CACNA1A: variants seen among roughly 807,000 people sequenced by gnomAD.
CACNA1A encodes the protein calcium voltage-gated channel subunit alpha1 A.
Under a neutral mutation model 262.4 loss-of-function variants are expected in CACNA1A, and 57 were observed. That is an observed-to-expected ratio of 0.22 (90% confidence interval 0.18 to 0.27). The LOEUF (loss-of-function observed/expected upper bound fraction) is 0.27. CACNA1A is among the 10% of genes least tolerant of loss of function. The probability of loss-of-function intolerance (pLI) is 1.00; values close to 1 mark genes in which losing one functional copy is unlikely to be tolerated. For synonymous variants in CACNA1A, 1,431 were observed against 1,419.3 expected (o/e 1.01, Z -0.18); for missense variants, 2,526 against 3,562.8 (o/e 0.71, Z 7.41).
chr19:13,381,354 G>A (rs11667930), intron 3 of CACNA1A, among the ~76,000 whole-genome samples: 24,469 of 152,010 alleles, frequency 0.16, 2,642 homozygotes, highest in Non-Finnish European at 0.24. Flanking sequence ...AGCTGTGATC[G>A]TGCCACTGCA....
In CACNA1A at chr19:13,413,402, G is replaced by A. The variant is rs548071927; in HGVS notation, c.539+39474C>T. 1.3e-3 allele frequency among the ~76,000 whole-genome samples: 192 copies of A among 150,342 alleles called. 2 individuals carry two copies. The highest frequency in any genetic ancestry group is 4.0e-3 in the African/African-American group (165 of 41,084). Reference sequence around the variant, plus strand: ...ATTACAGGTGTGAGCCACCGTGCCCGGCCTACAAAAAGTTTTAAAAATTAG... The same window carrying A: ...ATTACAGGTGTGAGCCACCGTGCCCAGCCTACAAAAAGTTTTAAAAATTAG... On this transcript the variant is annotated intron_variant, in intron 3 of 46. Transcript: ENST00000360228.
intron 30 of CACNA1A, among the ~76,000 whole-genome samples, chr19:13,251,264 A>C: frequency 6.6e-6 from 1 of 151,854 alleles, no homozygotes; most frequent in African/African-American, 2.4e-5. Flanking sequence ...CGGGCGGATC[A>C]TGAGGTCAGG....
At chr19:13,254,519 C>T (rs1011184461) in intron 29 of CACNA1A, among the ~76,000 whole-genome samples, 2 of 152,044 alleles carry the variant, frequency 1.3e-5, no homozygotes, top group Non-Finnish European at 2.9e-5. Flanking sequence ...CGCACCACCA[C>T]GCCTGGCTAA....
chr19:13,425,367 C>T (rs1387885785), intron 3 of CACNA1A, among the ~76,000 whole-genome samples: 2 of 152,038 alleles, frequency 1.3e-5, no homozygotes, highest in African/African-American at 4.8e-5. Flanking sequence ...TTATGGCCTC[C>T]TAGGGAGCAG....
At chr19:13,346,651 T>A in intron 6 of CACNA1A, among the ~76,000 whole-genome samples, 1 of 6,034 alleles carries the variant, frequency 1.7e-4, no homozygotes, top group Admixed American at 2.8e-3. Flanking sequence ...TATATATATA[T>A]ATATATATAT....
intron 1 of CACNA1A, among the ~76,000 whole-genome samples, chr19:13,500,116 T>C (rs1982199573): frequency 6.6e-6 from 1 of 152,156 alleles, no homozygotes; most frequent in South Asian, 2.1e-4. Context: ...TCATGGACAG[T>C]CTCTCAACCC....
chr19:13,439,108 ATT>A (rs939229748), intron 3 of CACNA1A, among the ~76,000 whole-genome samples: 32 of 137,144 alleles, frequency 2.3e-4, no homozygotes, highest in Admixed American at 4.4e-4. Context: ...TTGTCCTCAA[ATT>A]TTTTTTTTTT....
Position 13,286,792 on chromosome 19 carries a change from G to A in CACNA1A, c.3264C>T (p.Ala1088=), listed in dbSNP as rs916089734. 1.2e-5 allele frequency: 19 copies of A among 1,612,754 alleles called. No individual in the cohort carries two copies. The highest frequency in any genetic ancestry group is 2.7e-5 in the African/African-American group (2 of 74,892). The change falls in exon 20 of 47, where the codon GCC becomes GCT. Residue 1088 remains alanine (A), a synonymous_variant. Coordinates refer to ENST00000360228, the MANE Select transcript of CACNA1A (RefSeq NM_001127222.2). ...TCTTGGCTGGGCTCTGGGGCAGGCC[G>A]GCGTGGCCAAGGCTGCCGTGGGGAG... The part of the protein sequence containing the change: ...SAAPHGSLGH[A]GLPQSPAKMG...
intron 1 of CACNA1A, among the ~76,000 whole-genome samples, chr19:13,497,519 AAAATATATATATATATATAT>A (rs1981775137): frequency 5.2e-5 from 1 of 19,304 alleles, no homozygotes. Flanking sequence ...AAAAAAAAAA[AAAATATATATATATATATAT>A]ATATATATAT....
At chr19:13,425,681 C>T (rs975498537) in intron 3 of CACNA1A, among the ~76,000 whole-genome samples, 4 of 152,122 alleles carry the variant, frequency 2.6e-5, no homozygotes, top group African/African-American at 9.7e-5. Context: ...TGGGAGTTTC[C>T]CAGACACCTG....
intron 19 of CACNA1A, among the ~76,000 whole-genome samples, chr19:13,293,632 AT>A (rs954537199): frequency 1.5e-4 from 21 of 138,348 alleles, no homozygotes; most frequent in Non-Finnish European, 2.7e-4. Flanking sequence ...TTTTTTTGGT[AT>A]TTTTAGTAGA....
chr19:13,425,899 T>C (rs2060394528), intron 3 of CACNA1A, among the ~76,000 whole-genome samples: 1 of 151,840 alleles, frequency 6.6e-6, no homozygotes, highest in Non-Finnish European at 1.5e-5. Context: ...CTACTAAAAA[T>C]ACAAAAAAAT....
chr19:13,230,102 G>A lies in CACNA1A; in HGVS notation c.5508C>T (p.Ala1836=), dbSNP rs750338421. 74 of 1,613,506 alleles carry A rather than the reference G, an allele frequency of 4.6e-5. No individual in the cohort carries two copies. The highest frequency in any genetic ancestry group is 5.9e-5 in the Non-Finnish European group (70 of 1,179,730). The part of the protein sequence containing the change: ...HHLDEYVRVW[A]EYDPAAWGRM... ...CTTACCAAGCTGCGGGGTCATACTC[G>A]GCCCAGACACGCACGTACTCATCCA... is the stretch of plus-strand genomic sequence containing the variant. The change falls in exon 36 of 47, where the codon GCC becomes GCT. Residue 1836 remains alanine, a synonymous_variant. Coordinates refer to ENST00000360228, the MANE Select transcript of CACNA1A (RefSeq NM_001127222.2).
rs977189324 is a variant in CACNA1A, at chr19:13,284,942, C to T, written c.3692+126G>A. Reference sequence around the variant, plus strand: ...TTACGGAAGGAGCATCCATTTTCAACTTGTTCAAAGGTATCCCTGGACTCA... The same window carrying T: ...TTACGGAAGGAGCATCCATTTTCAATTTGTTCAAAGGTATCCCTGGACTCA... On this transcript the variant is annotated intron_variant, in intron 21 of 46. Coordinates refer to ENST00000360228, the MANE Select transcript of CACNA1A (RefSeq NM_001127222.2). 5 of 849,546 alleles carry T rather than the reference C, an allele frequency of 5.9e-6. No homozygotes were observed. The African/African-American group carries it at 6.8e-5, about 11-fold the overall frequency. 52.6% of individuals were successfully genotyped at this position (849,546 alleles called of 1,614,324 possible).
chr19:13,405,504 C>T (rs1212404435), intron 3 of CACNA1A, among the ~76,000 whole-genome samples: 3 of 152,156 alleles, frequency 2.0e-5, no homozygotes, highest in Non-Finnish European at 4.4e-5. Flanking sequence ...TTGCTCCTGG[C>T]CATATTATTG....
chr19:13,266,764 G>A (rs1215339160), intron 24 of CACNA1A, among the ~76,000 whole-genome samples: 1 of 152,000 alleles, frequency 6.6e-6, no homozygotes, highest in African/African-American at 2.4e-5. Flanking sequence ...TAGTAGAGAT[G>A]GGGTTTCACC....
At chr19:13,210,566 A>G in intron 44 of CACNA1A, 51 bp downstream of exon 44, 2 of 1,496,392 alleles carry the variant, frequency 1.3e-6, no homozygotes, top group Admixed American at 2.0e-5. Context: ...GGGGGTGGGG[A>G]GGAAGAGGGG....
chr19:13,337,434 C>G (rs2058595437), intron 6 of CACNA1A, among the ~76,000 whole-genome samples: 1 of 152,106 alleles, frequency 6.6e-6, no homozygotes, highest in Admixed American at 6.6e-5. Flanking sequence ...GTCTCTGTGC[C>G]AAAATCTCCC....
In CACNA1A at chr19:13,317,121, C is replaced by T. The variant is rs185034915; in HGVS notation, c.1546G>A (p.Asp516Asn). The change falls in exon 11 of 47, where the codon GAC (aspartate) becomes AAC (asparagine). Residue 516 changes from aspartate to asparagine, a missense_variant. Around this residue, in one of 17 missense-constraint regions of CACNA1A, gnomAD observed 102 missense variants for 278.9 expected, o/e 0.37. Transcript: ENST00000360228. ...VHYNQPEWLSDFLYYAEFIFL... is the reference protein window; with the variant it reads ...VHYNQPEWLSNFLYYAEFIFL... ...GCTGGGTGATACTCACAAAGGAAGT[C>T]GGAGAGCCACTCGGGCTGGTTGTAG... is the stretch of plus-strand genomic sequence containing the variant. 29 of 1,604,772 alleles carry T rather than the reference C, an allele frequency of 1.8e-5. No individual in the cohort carries two copies. Among genetic ancestry groups the T allele is most frequent in the Admixed American group, 3.3e-5 (2 of 59,794 alleles).
Sources: gnomAD v4.1 joint callset for allele counts (sites outside exome capture counted in the v4.1 genomes callset) on GRCh38, gnomAD v4.1.1 for gene constraint, gnomAD v4.1.1 regional missense constraint, MANE v1.5 for transcripts, NCBI Gene and HGNC (gene_info 2026-07-23, HGNC 2026-07-21) for gene names.